The following ADAMTSL3 variants were observed in gnomAD, a reference collection of about 807,000 sequenced individuals.
ADAMTSL3 encodes ADAMTS like 3.
ADAMTSL3 carries 128 observed loss-of-function variants against 201.7 expected under a neutral mutation model. That is an observed-to-expected ratio of 0.63 (90% confidence interval 0.55 to 0.73). The LOEUF (loss-of-function observed/expected upper bound fraction) is 0.73, where lower values mean the gene tolerates loss of function less well. Ranked by LOEUF, ADAMTSL3 falls within the 30% of genes least tolerant of loss-of-function variation. ADAMTSL3 has a pLI of 0.00. For synonymous variants in ADAMTSL3, 738 were observed against 748.4 expected (o/e 0.99, Z 0.23); for missense variants, 1,990 against 2,119.6 (o/e 0.94, Z 1.20).
intron 14 of ADAMTSL3, 28 bp downstream of exon 14, chr15:83,898,033 A>ATCC: frequency 1.9e-6 from 3 of 1,584,796 alleles, no homozygotes; most frequent in Non-Finnish European, 2.6e-6. Context: ...TGTAAATTCA[A>ATCC]ATCAAATGGT....
At chr15:83,690,023 A>G (rs1039461747) in intron 2 of ADAMTSL3, among the ~76,000 whole-genome samples, 7 of 152,208 alleles carry the variant, frequency 4.6e-5, no homozygotes, top group African/African-American at 1.2e-4. Context: ...GGTTAATTAC[A>G]TAGTTTGTCT....
At chr15:83,662,717 G>A (rs2061191944) in intron 2 of ADAMTSL3, among the ~76,000 whole-genome samples, 1 of 152,070 alleles carries the variant, frequency 6.6e-6, no homozygotes. Flanking sequence ...GTTGCACAGG[G>A]CTCTTTTCCC....
At chr15:83,829,627 A>C (rs2064109699) in intron 6 of ADAMTSL3, among the ~76,000 whole-genome samples, 1 of 152,216 alleles carries the variant, frequency 6.6e-6, no homozygotes, top group East Asian at 1.9e-4. Flanking sequence ...TTAGGGTATC[A>C]ATTTTAGATC....
chr15:84,013,556 T>C (rs1307979475), intron 23 of ADAMTSL3, among the ~76,000 whole-genome samples: 1 of 152,136 alleles, frequency 6.6e-6, no homozygotes, highest in African/African-American at 2.4e-5. Flanking sequence ...GGGGGATCGC[T>C]TGAGCCCAGG....
intron 19 of ADAMTSL3, among the ~76,000 whole-genome samples, chr15:83,955,530 G>C (rs997505162): frequency 6.6e-6 from 1 of 151,976 alleles, no homozygotes; most frequent in African/African-American, 2.4e-5. Flanking sequence ...GCTGTTACCC[G>C]AAGCCAGCAT....
At chr15:83,704,329 TTACCTGTC>T (rs2061818115) in intron 2 of ADAMTSL3, 52 bp from the exon 3 acceptor site, 6 of 1,610,578 alleles carry the variant, frequency 3.7e-6, no homozygotes, top group Non-Finnish European at 5.1e-6. Flanking sequence ...TTCTTGGACT[TTACCTGTC>T]AGGGGGTCCT....
At chr15:83,734,700 A>G (rs2062341035) in intron 3 of ADAMTSL3, among the ~76,000 whole-genome samples, 1 of 152,138 alleles carries the variant, frequency 6.6e-6, no homozygotes. Context: ...TTCTCTCCAA[A>G]CCATAAACCA....
chr15:83,985,881 C>T lies in ADAMTSL3; in HGVS notation c.3716+2537C>T, dbSNP rs577904756. On this transcript the variant is annotated intron_variant, in intron 21 of 29. Coordinates refer to ENST00000286744, the MANE Select transcript of ADAMTSL3 (RefSeq NM_207517.3). ...CTGACCTCAAGTGATCCACCCACCT[C>T]GGCCTCCCAAAGTGCTGGGATTACA... Among the ~76,000 whole-genome samples, 23 of 152,234 alleles carry T rather than the reference C, an allele frequency of 1.5e-4. No individual in the cohort carries two copies. In the South Asian group the frequency reaches 2.1e-3, roughly 14 times the overall value.
At chr15:83,678,712 T>C (rs1228633773) in intron 2 of ADAMTSL3, among the ~76,000 whole-genome samples, 1 of 146,868 alleles carries the variant, frequency 6.8e-6, no homozygotes, top group Non-Finnish European at 1.5e-5. Flanking sequence ...TCTTCAAGTG[T>C]TATTTTAGGC....
chr15:83,829,225 A>G (rs1596285823), intron 6 of ADAMTSL3, among the ~76,000 whole-genome samples: 1 of 152,218 alleles, frequency 6.6e-6, no homozygotes, highest in African/African-American at 2.4e-5. Flanking sequence ...GTCTATTCAG[A>G]GATTCAACTT....
Position 83,885,159 on chromosome 15 carries a change from G to A in ADAMTSL3, c.1019G>A (p.Ser340Asn), listed in dbSNP as rs1466978438. The change falls in exon 10 of 30, where the codon AGT (serine) becomes AAT (asparagine). Residue 340 changes from serine to asparagine, a missense_variant. Physicochemically the swap from Ser to Asn is conservative, Grantham distance 46 (BLOSUM62 1). Transcript: ENST00000286744. ...CAGTTCTTCTTTTACCAGCCCATCA[G>A]TCATCAGTGGAGACAAACTGACTTC... ...VVQFFFYQPI[S>N]HQWRQTDFFP... 6.2e-7 allele frequency: 1 copy of A among 1,614,142 alleles called. No individual in the cohort carries two copies. Among genetic ancestry groups the A allele is most frequent in the South Asian group, 1.1e-5 (1 of 91,068 alleles).
At chr15:83,962,892 C>T (rs1025339876) in intron 19 of ADAMTSL3, among the ~76,000 whole-genome samples, 1 of 152,166 alleles carries the variant, frequency 6.6e-6, no homozygotes, top group African/African-American at 2.4e-5. Context: ...TGGGGTGTCT[C>T]CTTACCTGGG....
chr15:83,776,549 C>T (rs2063077536), intron 4 of ADAMTSL3, among the ~76,000 whole-genome samples: 1 of 152,284 alleles, frequency 6.6e-6, no homozygotes, highest in East Asian at 1.9e-4. Flanking sequence ...GAAAGCCCAT[C>T]TCTACTAAAA....
chr15:84,035,088 T>TA (rs1376628440), intron 28 of ADAMTSL3, among the ~76,000 whole-genome samples: 25 of 152,296 alleles, frequency 1.6e-4, no homozygotes, highest in African/African-American at 5.5e-4. Flanking sequence ...AGCAGCCTCT[T>TA]AGCTTTCCTG....
chr15:83,872,625 C>G (rs78864903), intron 9 of ADAMTSL3, among the ~76,000 whole-genome samples: 35 of 86,770 alleles, frequency 4.0e-4, no homozygotes, highest in African/African-American at 1.1e-3. Context: ...CACACACACA[C>G]ACAGAGTTTT....
intron 6 of ADAMTSL3, among the ~76,000 whole-genome samples, chr15:83,822,143 C>T (rs1306412844): frequency 6.0e-5 from 9 of 150,728 alleles, no homozygotes; most frequent in Non-Finnish European, 1.0e-4. Flanking sequence ...CCCCCACCTC[C>T]CTCCCAGACG....
intron 3 of ADAMTSL3, among the ~76,000 whole-genome samples, chr15:83,707,066 C>T (rs1178959051): frequency 2.6e-5 from 4 of 152,152 alleles, no homozygotes; most frequent in African/African-American, 7.2e-5. Flanking sequence ...TCCCCTGATC[C>T]TTCAGCATAT....
intron 5 of ADAMTSL3, among the ~76,000 whole-genome samples, chr15:83,809,085 T>C (rs1008447138): frequency 4.6e-5 from 7 of 152,060 alleles, no homozygotes; most frequent in Non-Finnish European, 5.9e-5. Context: ...GGAGTAGCTA[T>C]AGTAAACAGC....
chr15:84,003,266 G>C (rs72748654), intron 23 of ADAMTSL3, among the ~76,000 whole-genome samples: 17,182 of 151,648 alleles, frequency 0.11, 1,143 homozygotes, highest in East Asian at 0.32. Context: ...CTTTTTCTTG[G>C]TTACCATATT....
Sources: gnomAD v4.1 joint callset for allele counts (sites outside exome capture counted in the v4.1 genomes callset) on GRCh38, gnomAD v4.1.1 for gene constraint, MANE v1.5 for transcripts, NCBI Gene and HGNC (gene_info 2026-07-23, HGNC 2026-07-21) for gene names.